FAM227B: variants seen among roughly 807,000 people sequenced by gnomAD.
FAM227B encodes the protein protein FAM227B.
FAM227B carries 88 observed loss-of-function variants against 73.8 expected under a neutral mutation model. That is an observed-to-expected ratio of 1.19 (90% CI 1.00 to 1.42). The LOEUF (loss-of-function observed/expected upper bound fraction) is 1.42, where lower values mean the gene tolerates loss of function less well. FAM227B is among the 40% of genes most tolerant of loss of function. The pLI, the probability that FAM227B is intolerant of heterozygous loss-of-function variation, is 0.00. For missense variants in FAM227B, 632 were observed against 590.9 expected (o/e 1.07, Z -0.72); for synonymous variants, 210 against 190.5 (o/e 1.10, Z -0.84).
intron 15 of FAM227B, chr15:49,330,381 C>T (rs1024024867): frequency 2.0e-5 from 3 of 152,154 alleles, no homozygotes; most frequent in African/African-American, 4.8e-5. Context: ...GTTTGGCCCA[C>T]AGAATGACTA....
intron 11 of FAM227B, among the ~76,000 whole-genome samples, chr15:49,411,476 A>G (rs79625043): frequency 0.051 from 7,754 of 152,156 alleles, 259 homozygotes; most frequent in East Asian, 0.07. Context: ...TTCATATTTG[A>G]TGACACTGGA....
chr15:49,330,731 G>C (rs1338004918), intron 15 of FAM227B: 1 of 149,284 alleles, frequency 6.7e-6, no homozygotes, highest in Non-Finnish European at 1.5e-5. Context: ...ATCAATAGTA[G>C]GGAAGATAGA....
intron 3 of FAM227B, among the ~76,000 whole-genome samples, chr15:49,603,965 G>A (rs1011122528): frequency 6.6e-6 from 1 of 152,098 alleles, no homozygotes; most frequent in Non-Finnish European, 1.5e-5. Flanking sequence ...ACTGATTTGT[G>A]TATGTTGAAC....
At chr15:49,519,302 C>CAT (rs994701872) in intron 10 of FAM227B, among the ~76,000 whole-genome samples, 2 of 152,142 alleles carry the variant, frequency 1.3e-5, no homozygotes, top group African/African-American at 4.8e-5. Flanking sequence ...AGTGGAGCTA[C>CAT]AATTCTGGGG....
intron 5 of FAM227B, among the ~76,000 whole-genome samples, chr15:49,580,689 A>G (rs980649384): frequency 6.6e-6 from 1 of 152,258 alleles, no homozygotes; most frequent in African/African-American, 2.4e-5. Flanking sequence ...AATAAAGATC[A>G]TGAAAATTCA....
intron 11 of FAM227B, chr15:49,423,438 C>T (rs2049861566): frequency 6.6e-6 from 1 of 152,128 alleles, no homozygotes. Context: ...AGCAACAAAA[C>T]AAGTAAGTTA....
chr15:49,431,702 A>G (rs1470356309), intron 11 of FAM227B, among the ~76,000 whole-genome samples: 1 of 151,764 alleles, frequency 6.6e-6, no homozygotes, highest in Non-Finnish European at 1.5e-5. Context: ...CTTTGTGAAC[A>G]GGAGGAAAAA....
chr15:49,590,946 T>C (rs1024646749), intron 3 of FAM227B, among the ~76,000 whole-genome samples: 1 of 151,762 alleles, frequency 6.6e-6, no homozygotes, highest in African/African-American at 2.4e-5. Context: ...TTATTTTACA[T>C]AGCATCATGT....
intron 11 of FAM227B, among the ~76,000 whole-genome samples, chr15:49,472,886 GA>G (rs1341796645): frequency 6.7e-6 from 1 of 150,030 alleles, no homozygotes; most frequent in African/African-American, 2.4e-5. Context: ...ACAAATAAGA[GA>G]AAGGAGTATC....
chr15:49,395,112 T>C (rs1306554425), intron 11 of FAM227B, among the ~76,000 whole-genome samples: 1 of 152,208 alleles, frequency 6.6e-6, no homozygotes, highest in Non-Finnish European at 1.5e-5. Flanking sequence ...GGTACACACA[T>C]ATTAATACTT....
At chr15:49,566,555 T>C (rs1376376645) in intron 9 of FAM227B, among the ~76,000 whole-genome samples, 1 of 152,196 alleles carries the variant, frequency 6.6e-6, no homozygotes, top group Non-Finnish European at 1.5e-5. Context: ...TTTTTTTCTT[T>C]CTTAAATATT....
chr15:49,379,735 C>T (rs181271678), intron 11 of FAM227B, among the ~76,000 whole-genome samples: 6 of 152,292 alleles, frequency 3.9e-5, no homozygotes, highest in Non-Finnish European at 8.8e-5. Flanking sequence ...TTACTTTCTC[C>T]CAAACAGGGT....
At chr15:49,410,431 C>A (rs1357396328) in intron 11 of FAM227B, among the ~76,000 whole-genome samples, 2 of 152,030 alleles carry the variant, frequency 1.3e-5, no homozygotes, top group African/African-American at 4.8e-5. Context: ...CATCTATTTG[C>A]TCTTTTTTAG....
chr15:49,328,868 C>G, intron 15 of FAM227B, 193 bp from the exon 16 acceptor site: 2 of 1,334,792 alleles, frequency 1.5e-6, no homozygotes, highest in Non-Finnish European at 1.9e-6. Flanking sequence ...TAACCACTTT[C>G]AATTCTTTTG....
intron 11 of FAM227B, among the ~76,000 whole-genome samples, chr15:49,476,685 T>C (rs1264645807): frequency 2.0e-5 from 3 of 152,194 alleles, no homozygotes; most frequent in African/African-American, 7.2e-5. Context: ...CTACACTCAA[T>C]GATATTATAT....
intron 10 of FAM227B, among the ~76,000 whole-genome samples, chr15:49,525,490 C>T (rs926105133): frequency 2.5e-4 from 38 of 151,494 alleles, no homozygotes; most frequent in Non-Finnish European, 2.1e-4. Context: ...AGCATGAAAA[C>T]AGACTAATAA....
At chr15:49,355,340 GA>G (rs2042961381) in intron 13 of FAM227B, among the ~76,000 whole-genome samples, 1 of 152,056 alleles carries the variant, frequency 6.6e-6, no homozygotes, top group Non-Finnish European at 1.5e-5. Context: ...TGAAAACTTT[GA>G]AAAAAATTTA....
chr15:49,525,660 G>A, intron 10 of FAM227B, among the ~76,000 whole-genome samples: 2 of 77,768 alleles, frequency 2.6e-5, no homozygotes, highest in South Asian at 4.7e-4. Flanking sequence ...GTTAAAGGGT[G>A]GAGAAATATA....
At chr15:49,528,556 G>A (rs559248292) in intron 10 of FAM227B, among the ~76,000 whole-genome samples, 55 of 151,860 alleles carry the variant, frequency 3.6e-4, no homozygotes, top group African/African-American at 1.3e-3. Flanking sequence ...AGAGTAAACA[G>A]ACAATCTACA....
Sources: gnomAD v4.1 joint callset for allele counts (sites outside exome capture counted in the v4.1 genomes callset) on GRCh38, gnomAD v4.1.1 for gene constraint, MANE v1.5 for transcripts, NCBI Gene and HGNC (gene_info 2026-07-23, HGNC 2026-07-21) for gene names.